Variants in RPS6KC1 observed in about 807,000 individuals in gnomAD.
RPS6KC1 encodes the protein ribosomal protein S6 kinase C1.
RPS6KC1 carries 54 observed loss-of-function variants against 103.8 expected under a neutral mutation model. The ratio of observed to expected loss-of-function variants is 0.52; its 90% CI spans 0.42 to 0.65. The LOEUF is 0.65. RPS6KC1 is among the 30% of genes least tolerant of loss of function. The pLI is 0.00. For synonymous variants in RPS6KC1, 439 were observed against 438.7 expected, an observed-to-expected ratio of 1.00 and a Z score of -0.01; for missense variants, 1,151 against 1,253.8, an observed-to-expected ratio of 0.92 and a Z score of 1.24.
intron 6 of RPS6KC1, among the ~76,000 whole-genome samples, chr1:213,139,128 T>A (rs535184407): frequency 8.5e-5 from 13 of 152,318 alleles, no homozygotes; most frequent in African/African-American, 2.9e-4. Context: ...TGTTTTCATA[T>A]GTTTGTTGGC....
intron 3 of RPS6KC1, among the ~76,000 whole-genome samples, chr1:213,085,288 C>G (rs1284165052): frequency 6.6e-6 from 1 of 152,160 alleles, no homozygotes; most frequent in East Asian, 1.9e-4. Flanking sequence ...GCCCTCGACT[C>G]TCTTATAAGG....
At chr1:213,619,676 A>G in the RPS6KC1 span, among the ~76,000 whole-genome samples, 1 of 152,244 alleles carries the variant, frequency 6.6e-6, no homozygotes, top group Admixed American at 6.5e-5. Context: ...CTATAGACCA[A>G]TAACAACAGC....
the RPS6KC1 span, among the ~76,000 whole-genome samples, chr1:213,324,289 T>C: frequency 6.6e-6 from 1 of 152,202 alleles, no homozygotes; most frequent in African/African-American, 2.4e-5. Flanking sequence ...TTTTATTTTT[T>C]AATTGGGGCC....
chr1:213,252,067 A>T (rs1221299857), intron 12 of RPS6KC1, among the ~76,000 whole-genome samples: 3 of 152,226 alleles, frequency 2.0e-5, no homozygotes, highest in African/African-American at 7.2e-5. Flanking sequence ...ATATTGTTGG[A>T]TACAAAAAAT....
intron 14 of RPS6KC1, among the ~76,000 whole-genome samples, chr1:213,266,302 G>A (rs1026553252): frequency 1.1e-4 from 17 of 152,078 alleles, no homozygotes; most frequent in Admixed American, 9.2e-4. Flanking sequence ...AGAAAAATTA[G>A]AAATAATGAA....
chr1:213,709,618 CA>C, the RPS6KC1 span, among the ~76,000 whole-genome samples: 1 of 151,330 alleles, frequency 6.6e-6, no homozygotes, highest in African/African-American at 2.4e-5. Context: ...TTTAGGGTGT[CA>C]ATTTTAGATC....
chr1:213,610,725 A>G, the RPS6KC1 span, among the ~76,000 whole-genome samples: 1 of 152,224 alleles, frequency 6.6e-6, no homozygotes, highest in African/African-American at 2.4e-5. Flanking sequence ...CAGGAAAACA[A>G]TACATTACAT....
At chr1:213,849,365 G>A in the RPS6KC1 span, among the ~76,000 whole-genome samples, 1 of 152,122 alleles carries the variant, frequency 6.6e-6, no homozygotes, top group Non-Finnish European at 1.5e-5. Context: ...CCTATACTTA[G>A]GCTACTAGGG....
At chr1:213,762,925 G>C in the RPS6KC1 span, among the ~76,000 whole-genome samples, 2 of 150,024 alleles carry the variant, frequency 1.3e-5, no homozygotes, top group African/African-American at 4.9e-5. Flanking sequence ...GCAGTGGCAT[G>C]ATCTCAGCTT....
chr1:213,370,286 T>TATTTTATTTTATTTTATTTTA, the RPS6KC1 span, among the ~76,000 whole-genome samples: 13 of 150,460 alleles, frequency 8.6e-5, no homozygotes, highest in African/African-American at 3.2e-4. Context: ...TATTTTATTT[T>TATTTTATTTTATTTTATTTTA]TTTTGCATGT....
chr1:213,162,087 G>T (rs921861395), intron 6 of RPS6KC1, among the ~76,000 whole-genome samples: 16 of 152,156 alleles, frequency 1.1e-4, no homozygotes, highest in Admixed American at 8.5e-4. Flanking sequence ...AAAAATTTTA[G>T]TTCCTTAGTT....
At chr1:213,328,551 A>T in the RPS6KC1 span, among the ~76,000 whole-genome samples, 1 of 134,756 alleles carries the variant, frequency 7.4e-6, no homozygotes, top group East Asian at 2.4e-4. Flanking sequence ...TCACACACAC[A>T]CGTGCACAAA....
the RPS6KC1 span, among the ~76,000 whole-genome samples, chr1:213,558,682 G>A: frequency 6.6e-6 from 1 of 152,192 alleles, no homozygotes; most frequent in East Asian, 1.9e-4. Context: ...TGGCCTAAAA[G>A]TTTCTCCATA....
chr1:213,098,620 T>G (rs2081706521), intron 3 of RPS6KC1, among the ~76,000 whole-genome samples: 1 of 152,140 alleles, frequency 6.6e-6, no homozygotes, highest in South Asian at 2.1e-4. Flanking sequence ...CAGAACACAC[T>G]CAACACCTAT....
the RPS6KC1 span, among the ~76,000 whole-genome samples, chr1:213,699,412 T>C: frequency 6.6e-6 from 1 of 152,162 alleles, no homozygotes; most frequent in African/African-American, 2.4e-5. Flanking sequence ...AATGGCTAAA[T>C]AGTACTCCGT....
At chr1:213,602,186 C>CTTTCTT in the RPS6KC1 span, among the ~76,000 whole-genome samples, 2 of 94,126 alleles carry the variant, frequency 2.1e-5, no homozygotes, top group African/African-American at 8.8e-5. Context: ...TTCTTTCTTT[C>CTTTCTT]TTTTTCCCTC....
At chr1:213,057,901 G>A (rs1056381574) in intron 1 of RPS6KC1, among the ~76,000 whole-genome samples, 2 of 150,872 alleles carry the variant, frequency 1.3e-5, no homozygotes, top group Admixed American at 6.6e-5. Flanking sequence ...GAGTGGCTGG[G>A]ACTACAGGAA....
At chr1:213,056,461 A>G (rs1165907055) in intron 1 of RPS6KC1, among the ~76,000 whole-genome samples, 3 of 152,218 alleles carry the variant, frequency 2.0e-5, no homozygotes, top group Non-Finnish European at 2.9e-5. Flanking sequence ...GGGGACACCT[A>G]TGTGTCCCCA....
chr1:213,470,308 C>A, the RPS6KC1 span, among the ~76,000 whole-genome samples: 1 of 152,154 alleles, frequency 6.6e-6, no homozygotes, highest in Admixed American at 6.5e-5. Context: ...TTCTGTAAAG[C>A]TTTCCACATT....
Sources: gnomAD v4.1 joint callset for allele counts (sites outside exome capture counted in the v4.1 genomes callset) on GRCh38, gnomAD v4.1.1 for gene constraint, MANE v1.5 for transcripts, NCBI Gene and HGNC (gene_info 2026-07-23, HGNC 2026-07-21) for gene names.